The following TNS1 variants were observed in gnomAD, a reference collection of about 807,000 sequenced individuals.
TNS1 encodes the protein tensin 1.
Under a neutral mutation model 168.6 loss-of-function variants are expected in TNS1, and 62 were observed. That is an observed-to-expected ratio of 0.37 (90% CI 0.30 to 0.45). The LOEUF (loss-of-function observed/expected upper bound fraction) is 0.45, where lower values mean the gene tolerates loss of function less well. Among genes scored for constraint, TNS1 ranks in the 20% least tolerant of loss-of-function variants. The pLI, the probability that TNS1 is intolerant of heterozygous loss-of-function variation, is 1.00. For synonymous variants in TNS1, 934 were observed against 933.2 expected (o/e 1.00, Z -0.02); for missense variants, 2,240 against 2,339.4 (o/e 0.96, Z 0.88).
intron 21 of TNS1, among the ~76,000 whole-genome samples, chr2:217,832,010 T>C (rs1675445562): frequency 6.6e-6 from 1 of 151,650 alleles, no homozygotes. Context: ...CTTGGATGGA[T>C]TCAGAAGAGA....
intron 1 of TNS1, among the ~76,000 whole-genome samples, chr2:218,027,771 T>A (rs1215279063): frequency 6.6e-6 from 1 of 151,960 alleles, no homozygotes; most frequent in East Asian, 1.9e-4. Flanking sequence ...GAGGAAGAGA[T>A]GAGCAGAAAG....
chr2:217,905,734 G>A (rs1484677189), intron 6 of TNS1, among the ~76,000 whole-genome samples: 1 of 152,186 alleles, frequency 6.6e-6, no homozygotes, highest in Non-Finnish European at 1.5e-5. Context: ...AACCCCGAAC[G>A]GGGCTCAAAG....
intron 3 of TNS1, among the ~76,000 whole-genome samples, chr2:217,941,246 C>A (rs984466608): frequency 6.6e-6 from 1 of 152,242 alleles, no homozygotes; most frequent in East Asian, 1.9e-4. Flanking sequence ...GCACCCACCC[C>A]CGGTCCTTGC....
At chr2:217,806,750 C>T (rs562334157) in intron 32 of TNS1, among the ~76,000 whole-genome samples, 3 of 152,336 alleles carry the variant, frequency 2.0e-5, no homozygotes, top group East Asian at 3.9e-4. Context: ...TCCATTCATT[C>T]GGACTGAGGC....
chr2:217,894,736 A>G (rs1419058651), intron 9 of TNS1, among the ~76,000 whole-genome samples: 5 of 152,112 alleles, frequency 3.3e-5, no homozygotes, highest in Admixed American at 3.3e-4. Flanking sequence ...AAATCCAAAA[A>G]CTAAACATCT....
At chr2:217,858,368 G>T in intron 18 of TNS1, 1 of 248,626 alleles carries the variant, frequency 4.0e-6, no homozygotes. Context: ...TCCAAGGTGG[G>T]GTCGTGACAG....
At chr2:217,957,771 A>T (rs1385505354) in intron 3 of TNS1, among the ~76,000 whole-genome samples, 1 of 151,406 alleles carries the variant, frequency 6.6e-6, no homozygotes, top group Non-Finnish European at 1.5e-5. Context: ...CTTATCTATT[A>T]AAGATGCATA....
chr2:217,985,721 T>A (rs1160498977), intron 2 of TNS1: 1 of 152,102 alleles, frequency 6.6e-6, no homozygotes, highest in Non-Finnish European at 1.5e-5. Context: ...TGTGCCCGGC[T>A]TTTGTCCCAT....
At chr2:217,859,406 C>A in intron 18 of TNS1, 1 of 516,942 alleles carries the variant, frequency 1.9e-6, no homozygotes, top group Non-Finnish European at 3.4e-6. Context: ...AGCCAGAACA[C>A]TTCCTTGGCT....
rs1574609961 is a variant in TNS1 at position 217,818,382 on chromosome 2, C to T, written c.3950G>A (p.Ser1317Asn). ...TGGTGGACCCATCATCTGGTGATGG[C>T]TCAAACTGGGACTGCTGGGGGCAGC... Reference protein sequence around the residue: ...SMAAPSSPSLSHHQMMGPPGT... With the variant: ...SMAAPSSPSLNHHQMMGPPGT... The change falls in exon 24 of 33, where the codon AGC becomes AAC. Residue 1317 changes from serine to asparagine, a missense_variant. Coordinates refer to ENST00000682258, the MANE Select transcript of TNS1 (RefSeq NM_001387777.1). 9.3e-6 allele frequency: 15 copies of T among 1,614,202 alleles called. No individual in the cohort carries two copies. In the African/African-American group the frequency reaches 9.3e-5, roughly 10 times the overall value.
At chr2:217,980,378 T>C (rs1487824630) in intron 2 of TNS1, among the ~76,000 whole-genome samples, 1 of 151,980 alleles carries the variant, frequency 6.6e-6, no homozygotes, top group Non-Finnish European at 1.5e-5. Flanking sequence ...CGCAAAGGTG[T>C]TCCCTCTTGG....
intron 4 of TNS1, among the ~76,000 whole-genome samples, chr2:217,912,939 T>C (rs963280770): frequency 6.6e-6 from 1 of 152,182 alleles, no homozygotes; most frequent in African/African-American, 2.4e-5. Flanking sequence ...TTTGAACACC[T>C]TTCTGCAAAT....
chr2:218,007,579 T>G, upstream of TNS1, among the ~76,000 whole-genome samples: 2 of 118,918 alleles, frequency 1.7e-5, no homozygotes, highest in Non-Finnish European at 3.5e-5. Flanking sequence ...GGGGGGGGGT[T>G]CAGCCAGGTC....
chr2:217,921,852 T>G (rs912802844), intron 3 of TNS1, among the ~76,000 whole-genome samples: 92 of 151,976 alleles, frequency 6.1e-4, no homozygotes, highest in African/African-American at 2.0e-3. Context: ...CCCAGTAAGG[T>G]GGGTTACTAT....
In TNS1 at chr2:217,994,657, A is replaced by G. The variant is rs558251427; in HGVS notation, c.34-3601T>C. On this transcript the variant is annotated intron_variant, in intron 1 of 32. Coordinates refer to ENST00000682258, the MANE Select transcript of TNS1 (RefSeq NM_001387777.1). ...CAGTGACCCCATGGGTGGCATGTGC[A>G]GCCTTCCAGAACAGCTTCTCCCAGG... 2.0e-5 allele frequency among the ~76,000 whole-genome samples: 3 copies of G among 152,336 alleles called. No homozygotes were observed. In the East Asian group the frequency reaches 5.8e-4, roughly 29 times the overall value.
At chr2:217,915,669 C>T (rs755089894) in intron 4 of TNS1, among the ~76,000 whole-genome samples, 7 of 152,218 alleles carry the variant, frequency 4.6e-5, no homozygotes, top group Admixed American at 6.5e-5. Flanking sequence ...GCCCATCACC[C>T]GGCAACATCG....
chr2:217,846,120 C>A (rs188205982), intron 19 of TNS1, among the ~76,000 whole-genome samples: 1 of 152,164 alleles, frequency 6.6e-6, no homozygotes, highest in Non-Finnish European at 1.5e-5. Context: ...ACCCATGGAG[C>A]GTTTCATCCG....
At chr2:217,925,720 T>C (rs1019038138) in intron 3 of TNS1, among the ~76,000 whole-genome samples, 13 of 152,190 alleles carry the variant, frequency 8.5e-5, no homozygotes, top group African/African-American at 2.7e-4. Flanking sequence ...TTCACGGTAA[T>C]GTACAACCAT....
Position 217,880,990 on chromosome 2 carries a change from G to A in TNS1, c.1337C>T (p.Pro446Leu), listed in dbSNP as rs200351785. 29 of 1,613,992 alleles carry A rather than the reference G, an allele frequency of 1.8e-5. No individual in the cohort carries two copies. The East Asian group carries it at 2.7e-4, about 15-fold the overall frequency. The change falls in exon 18 of 33, where the codon CCG becomes CTG. Residue 446 changes from proline (P) to leucine (L), a missense_variant. Pro to Leu is a moderately conservative substitution (Grantham distance 98). Transcript: ENST00000682258. The surrounding 1 kb of genome is among the most constrained non-coding windows in gnomAD (Gnocchi z 4.2). ...GGTGTTATAGTCCACAGACACGCTC[G>A]GCCCGTTCTCCAGGTGCTCCATGCC... The part of the protein sequence containing the change: ...IQGMEHLENG[P>L]SVSVDYNTSD...
Sources: gnomAD v4.1 joint callset for allele counts (sites outside exome capture counted in the v4.1 genomes callset) on GRCh38, gnomAD v4.1.1 for gene constraint, Gnocchi (gnomAD v3.1) non-coding constraint, MANE v1.5 for transcripts, NCBI Gene and HGNC (gene_info 2026-07-23, HGNC 2026-07-21) for gene names.